PSMD12: variants seen among roughly 807,000 people sequenced by gnomAD.
PSMD12 encodes the protein 26S proteasome non-ATPase regulatory subunit 12.
A neutral mutation model predicts 62.9 loss-of-function variants in PSMD12; 8 were observed. The observed-to-expected ratio is 0.13, with a 90% CI of 0.07 to 0.23. The LOEUF is 0.23. PSMD12 is among the 10% of genes least tolerant of loss of function. PSMD12 has a pLI of 1.00. For missense variants in PSMD12, 424 were observed against 550.2 expected (o/e 0.77, Z 2.29); for synonymous variants, 173 against 187.4 (o/e 0.92, Z 0.63).
In PSMD12 at chr17:67,366,568, C is replaced by T. The variant is rs1296689604; in HGVS notation, c.-49G>A. On this transcript the variant is annotated 5_prime_UTR_variant, in exon 1 of 11. Coordinates refer to ENST00000356126, the MANE Select transcript of PSMD12 (RefSeq NM_002816.5). The stretch of plus-strand genomic sequence containing the variant: ...CTGTCCCCCTGCTTCGGCCACCACT[C>T]GTCACCCACACCGGAAGTTGCCCGC... The T allele has an allele frequency of 2.0e-6, 3 of 1,528,018 alleles. No individual in the cohort carries two copies. The South Asian group carries it at 3.5e-5, about 18-fold the overall frequency. 94.7% of individuals were successfully genotyped at this position (1,528,018 alleles called of 1,614,324 possible). A position where few individuals can be genotyped will look rare whatever the true frequency, so the allele number is the denominator to read the frequency against.
At chr17:67,343,196 A>T (rs1323027041) in intron 9 of PSMD12, among the ~76,000 whole-genome samples, 1 of 152,130 alleles carries the variant, frequency 6.6e-6, no homozygotes, top group Admixed American at 6.6e-5. Context: ...CATCTCTATC[A>T]GGGCTGATGG....
rs891166485 is a variant in PSMD12 at position 67,339,729 on chromosome 17, CTAACAT to C, written c.*1108_*1113del. 3.7e-4 allele frequency: 56 copies of C among 152,204 alleles called. 5 individuals carry two copies. The highest frequency in any genetic ancestry group is 2.6e-3 in the Admixed American group (40 of 15,276). 9.4% of individuals were successfully genotyped at this position (152,204 alleles called of 1,614,324 possible). ...TTTAAGTATCATTTTAAATAACCTT[CTAACAT>C]TGTTTTTTCTATTTTCTCTGAAATA... On this transcript the variant is annotated 3_prime_UTR_variant, in exon 11 of 11. Coordinates refer to ENST00000356126, the MANE Select transcript of PSMD12 (RefSeq NM_002816.5).
chr17:67,357,201 A>G, intron 3 of PSMD12, 102 bp downstream of exon 3: 2 of 1,316,430 alleles, frequency 1.5e-6, no homozygotes, highest in Non-Finnish European at 2.0e-6. Flanking sequence ...GGATGTTACA[A>G]CGTTGACTTA....
In PSMD12 at chr17:67,366,508, G is replaced by A; in HGVS notation, c.12C>T (p.Gly4=). MAD[G]GSERADGRIV... ...TGCGCCCGTCAGCCCGCTCCGAGCC[G>A]CCGTCCGCCATGGTCCCCGCCTGAG... is the stretch of plus-strand genomic sequence containing the variant. Residue 4 remains glycine, a synonymous_variant, in exon 1 of 11, where the codon GGC becomes GGT. Coordinates refer to ENST00000356126, the MANE Select transcript of PSMD12 (RefSeq NM_002816.5). The A allele has an allele frequency of 2.5e-6, 4 of 1,606,586 alleles. No individual in the cohort carries two copies. The highest frequency in any genetic ancestry group is 2.2e-5 in the South Asian group (2 of 90,858).
Position 67,357,432 on chromosome 17 carries a change from C to G in PSMD12, c.169-1G>C. On this transcript the variant is annotated splice_acceptor_variant, in intron 2 of 10. Transcript: ENST00000356126. LOFTEE classifies it high-confidence loss of function. Reference sequence around the variant, plus strand: ...GGGATGTCGATACCATATCGGAAGCCTGTAAGGGTAAAAATATATTGAAAG... The same window carrying G: ...GGGATGTCGATACCATATCGGAAGCGTGTAAGGGTAAAAATATATTGAAAG... The G allele has an allele frequency of 6.2e-7, 1 of 1,613,570 alleles. No individual in the cohort carries two copies. The highest frequency in any genetic ancestry group is 8.5e-7 in the Non-Finnish European group (1 of 1,179,668).
intron 10 of PSMD12, 81 bp downstream of exon 10, chr17:67,342,105 C>T (rs2041920386): frequency 1.9e-6 from 2 of 1,042,278 alleles, no homozygotes; most frequent in East Asian, 2.4e-5. Context: ...TAAATCATAA[C>T]ATTGATTTTC....
intron 3 of PSMD12, among the ~76,000 whole-genome samples, chr17:67,354,450 C>A (rs781469225): frequency 7.2e-5 from 11 of 151,936 alleles, no homozygotes; most frequent in Non-Finnish European, 1.3e-4. Context: ...GCAACACCCC[C>A]TACTAGCTCT....
At chr17:67,357,099 T>A (rs1002018553) in intron 3 of PSMD12, 6 of 524,354 alleles carry the variant, frequency 1.1e-5, no homozygotes, top group African/African-American at 7.8e-5. Flanking sequence ...ACACAATTTT[T>A]AAAAATATGC....
At chr17:67,348,716 G>A in intron 4 of PSMD12, 62 bp from the exon 5 acceptor site, 1 of 1,457,848 alleles carries the variant, frequency 6.9e-7, no homozygotes, top group South Asian at 1.2e-5. Flanking sequence ...TTAAAAAGTA[G>A]GCTGGGTATG....
intron 5 of PSMD12, among the ~76,000 whole-genome samples, chr17:67,348,104 G>A (rs935697105): frequency 2.6e-5 from 4 of 152,118 alleles, no homozygotes; most frequent in South Asian, 2.1e-4. Context: ...CTGGGTTTAC[G>A]TAAACATAAG....
At chr17:67,351,392 AAATAATAAT>A (rs56142901) in intron 3 of PSMD12, among the ~76,000 whole-genome samples, 123 of 140,128 alleles carry the variant, frequency 8.8e-4, no homozygotes, top group African/African-American at 2.4e-3. Context: ...ACTTGTCTCA[AAATAATAAT>A]AATAATAATA....
rs147672992 is a variant in PSMD12, at chr17:67,362,996, G to A, written c.108+3416C>T. ...AGTTATTATCATTTGCAACATGGGT[G>A]TTAGGACAGACATAAAACTGTACTA... On this transcript the variant is annotated intron_variant, in intron 1 of 10. Coordinates refer to ENST00000356126, the MANE Select transcript of PSMD12 (RefSeq NM_002816.5). The A allele has an allele frequency of 2.0e-5, 3 of 152,320 alleles. No homozygotes were observed. In the East Asian group the frequency reaches 5.8e-4, roughly 29 times the overall value. The allele number at this position is 152,320 out of a possible 1,614,324, so 9.4% of individuals were successfully genotyped here.
At chr17:67,356,611 TA>T (rs902413925) in intron 3 of PSMD12, among the ~76,000 whole-genome samples, 8 of 125,956 alleles carry the variant, frequency 6.4e-5, no homozygotes, top group South Asian at 5.8e-4. Context: ...TAGTTACTAC[TA>T]AAAAAAAATT....
chr17:67,353,477 T>C (rs1195599736), intron 3 of PSMD12, among the ~76,000 whole-genome samples: 2 of 152,050 alleles, frequency 1.3e-5, no homozygotes, highest in Non-Finnish European at 2.9e-5. Flanking sequence ...CTAATTGTTT[T>C]TGTATTTTTA....
chr17:67,344,368 T>C (rs973836941), intron 9 of PSMD12, among the ~76,000 whole-genome samples: 1 of 152,156 alleles, frequency 6.6e-6, no homozygotes, highest in African/African-American at 2.4e-5. Flanking sequence ...TACATTCCAA[T>C]ATGCTTTGGG....
intron 7 of PSMD12, among the ~76,000 whole-genome samples, chr17:67,346,167 C>A (rs376561492): frequency 2.0e-5 from 3 of 151,886 alleles, no homozygotes; most frequent in Non-Finnish European, 4.4e-5. Context: ...CCCAGGCGGG[C>A]GGATCACCTG....
chr17:67,355,539 G>T (rs1036002556), intron 3 of PSMD12: 1 of 152,124 alleles, frequency 6.6e-6, no homozygotes, highest in Non-Finnish European at 1.5e-5. Flanking sequence ...TCAGGAATTT[G>T]TCCAGTAACA....
rs541769329 is a variant in PSMD12 at position 67,358,021 on chromosome 17, T to C, written c.109-443A>G. ...ACTGCAACCTCCACCTCCCGGGTTC[T>C]AGCGATTCTCATGCCTCAGCCTCCG... On this transcript the variant is annotated intron_variant, in intron 1 of 10. Transcript: ENST00000356126. Among the ~76,000 whole-genome samples, 8 of 152,100 alleles carry C rather than the reference T, an allele frequency of 5.3e-5. No individual in the cohort carries two copies. In the East Asian group the frequency reaches 5.8e-4, roughly 11 times the overall value.
rs755976186 is a variant in PSMD12, at chr17:67,344,632, C to T, written c.1057G>A (p.Asp353Asn). The change falls in exon 9 of 11, where the codon GAC becomes AAC. Residue 353 changes from aspartate (D) to asparagine (N), a missense_variant. Coordinates refer to ENST00000356126, the MANE Select transcript of PSMD12 (RefSeq NM_002816.5). The part of the protein sequence containing the change: ...STEEGEKRWK[D>N]LKNRVVEHNI... Reference sequence around the variant, plus strand: ...TGTTCAACAACTCTGTTCTTCAAGTCTTTCCACCTTTTTTCACCTTCCTCT... The same window carrying T: ...TGTTCAACAACTCTGTTCTTCAAGTTTTTCCACCTTTTTTCACCTTCCTCT... 1.9e-6 allele frequency: 3 copies of T among 1,611,636 alleles called. No homozygotes were observed. In the South Asian group the frequency reaches 3.3e-5, roughly 18 times the overall value.
Sources: gnomAD v4.1 joint callset for allele counts (sites outside exome capture counted in the v4.1 genomes callset) on GRCh38, gnomAD v4.1.1 for gene constraint, MANE v1.5 for transcripts, NCBI Gene and HGNC (gene_info 2026-07-23, HGNC 2026-07-21) for gene names.